The following CDH13 variants were observed in gnomAD, a reference collection of about 807,000 sequenced individuals.
The protein encoded by CDH13 is cadherin-13.
In CDH13, 24 loss-of-function variants were observed where a neutral mutation model predicts 63.8. The observed-to-expected ratio is 0.38, with a 90% CI of 0.27 to 0.53. CDH13 has a LOEUF of 0.53. Ranked by LOEUF, CDH13 falls within the 20% of genes least tolerant of loss-of-function variation. CDH13 has a pLI of 0.85. For synonymous variants in CDH13, 503 were observed against 355.3 expected, an observed-to-expected ratio of 1.42 and a Z score of -4.67; for missense variants, 1,049 against 903.1, an observed-to-expected ratio of 1.16 and a Z score of -2.07.
intron 3 of CDH13, among the ~76,000 whole-genome samples, chr16:83,058,913 ATCT>A (rs1018259983): frequency 3.3e-5 from 5 of 150,816 alleles, no homozygotes; most frequent in Admixed American, 2.6e-4. Flanking sequence ...GCTTTTTTTA[ATCT>A]TCTTAACTGG....
intron 3 of CDH13, among the ~76,000 whole-genome samples, chr16:83,108,998 T>G (rs962195650): frequency 6.6e-6 from 1 of 152,078 alleles, no homozygotes; most frequent in South Asian, 2.1e-4. Flanking sequence ...TGCCCACATT[T>G]CCTGGGATGA....
At chr16:82,744,366 T>C (rs988584049) in intron 1 of CDH13, among the ~76,000 whole-genome samples, 4 of 152,178 alleles carry the variant, frequency 2.6e-5, no homozygotes, top group Non-Finnish European at 5.9e-5. Context: ...CCTTCAGAGA[T>C]AATGAACCAC....
chr16:83,187,795 G>A (rs2038572388), intron 4 of CDH13, among the ~76,000 whole-genome samples: 1 of 152,058 alleles, frequency 6.6e-6, no homozygotes, highest in Admixed American at 6.6e-5. Context: ...AAAATACATG[G>A]TGTGTCAGTT....
rs1014695072 is a variant in CDH13 at position 83,377,320 on chromosome 16, A to T, written c.781+32314A>T. The stretch of plus-strand genomic sequence containing the variant: ...TATAAGACAAAAGGTTAAACCACAC[A>T]TCTGGCCCACACCCAGCCCCCAGTT... On this transcript the variant is annotated intron_variant, in intron 6 of 13. Coordinates refer to ENST00000567109, the MANE Select transcript of CDH13 (RefSeq NM_001257.5). Among the ~76,000 whole-genome samples the T allele has an allele frequency of 3.9e-5, 6 of 152,328 alleles. No individual in the cohort carries two copies. In the East Asian group the frequency reaches 7.7e-4, roughly 20 times the overall value.
rs540259553 is a variant in CDH13 at position 83,047,427 on chromosome 16, T to C, written c.366+15209T>C. On this transcript the variant is annotated intron_variant, in intron 3 of 13. Coordinates refer to ENST00000567109, the MANE Select transcript of CDH13 (RefSeq NM_001257.5). The surrounding 1 kb of genome is among the most constrained non-coding windows in gnomAD (Gnocchi z 4.9). ...TGGCCCTTGTTAACAAAGCCTAGTC[T>C]GTAAGAGCGTGACCACCAGTCTTAT... 1.1e-4 allele frequency among the ~76,000 whole-genome samples: 17 copies of C among 152,190 alleles called. No individual in the cohort carries two copies. The highest frequency in any genetic ancestry group is 1.6e-4 in the Non-Finnish European group (11 of 68,048).
intron 5 of CDH13, among the ~76,000 whole-genome samples, chr16:83,232,220 T>TTTA (rs1326898184): frequency 1.8e-5 from 2 of 114,034 alleles, no homozygotes; most frequent in Non-Finnish European, 3.7e-5. Flanking sequence ...TTTTTTTTTT[T>TTTA]TTTTTTTAAA....
chr16:83,262,719 A>T (rs922557543), intron 5 of CDH13, among the ~76,000 whole-genome samples: 1 of 152,212 alleles, frequency 6.6e-6, no homozygotes, highest in African/African-American at 2.4e-5. Flanking sequence ...AAAATTCATG[A>T]GATGGGTTAT....
At chr16:83,390,615 G>C (rs1231064817) in intron 6 of CDH13, among the ~76,000 whole-genome samples, 1 of 152,006 alleles carries the variant, frequency 6.6e-6, no homozygotes, top group Non-Finnish European at 1.5e-5. Flanking sequence ...CTCCAAGCCA[G>C]GAGTCCTGCT....
At chr16:83,602,022 G>A (rs1333759917) in intron 7 of CDH13, among the ~76,000 whole-genome samples, 18 of 148,168 alleles carry the variant, frequency 1.2e-4, no homozygotes, top group African/African-American at 4.5e-4. Flanking sequence ...GAACCCGGGA[G>A]GCGGAGGTTG....
At chr16:83,511,619 T>C (rs1308529185) in intron 7 of CDH13, among the ~76,000 whole-genome samples, 1 of 152,260 alleles carries the variant, frequency 6.6e-6, no homozygotes, top group Non-Finnish European at 1.5e-5. Flanking sequence ...ATATTTATTA[T>C]GCTTGTCTCA....
intron 1 of CDH13, among the ~76,000 whole-genome samples, chr16:82,815,714 C>T (rs979517163): frequency 1.3e-5 from 2 of 152,144 alleles, no homozygotes; most frequent in African/African-American, 4.8e-5. Context: ...AAGAACAGTG[C>T]CCCTAATCGT....
chr16:82,744,732 T>A (rs2034083695), intron 1 of CDH13, among the ~76,000 whole-genome samples: 1 of 152,212 alleles, frequency 6.6e-6, no homozygotes, highest in Admixed American at 6.5e-5. Flanking sequence ...TCTATACACA[T>A]GATCGCATTT....
rs148627955 is a variant in CDH13 at position 83,196,395 on chromosome 16, C to G, written c.484-20950C>G. On this transcript the variant is annotated intron_variant, in intron 4 of 13. Coordinates refer to ENST00000567109, the MANE Select transcript of CDH13 (RefSeq NM_001257.5). ...GGCTAGGCAGAGTTCTTATACTTGT[C>G]ACAAACAGGTGTGAACCCTAAAATG... Among the ~76,000 whole-genome samples the G allele has an allele frequency of 3.0e-3, 461 of 152,210 alleles. 5 individuals carry two copies. Among genetic ancestry groups the G allele is most frequent in the African/African-American group, 0.01 (431 of 41,536 alleles).
At chr16:83,381,636 C>A (rs773560280) in intron 6 of CDH13, among the ~76,000 whole-genome samples, 1 of 151,924 alleles carries the variant, frequency 6.6e-6, no homozygotes, top group Non-Finnish European at 1.5e-5. Context: ...CCACTCTCAC[C>A]TAAAAAAGCT....
At chr16:83,520,387 T>C (rs982812334) in intron 7 of CDH13, among the ~76,000 whole-genome samples, 3 of 152,156 alleles carry the variant, frequency 2.0e-5, no homozygotes, top group East Asian at 3.9e-4. Context: ...GGAGAGGACA[T>C]AGGAAAGCCT....
At chr16:82,661,394 T>C (rs1237921130) in intron 1 of CDH13, among the ~76,000 whole-genome samples, 2 of 152,208 alleles carry the variant, frequency 1.3e-5, no homozygotes, top group Non-Finnish European at 2.9e-5. Flanking sequence ...GACTTAAATA[T>C]TGTTTGTCCT....
rs780540162 is a variant in CDH13, at chr16:83,500,301, TC to T, written c.960+13648del. Among the ~76,000 whole-genome samples the T allele has an allele frequency of 0.023, 47 of 2,056 alleles. 4 individuals are homozygous for T. The East Asian group carries it at 0.6, about 26-fold the overall frequency. The allele number at this position is 2,056 out of a possible 152,430, so 1.3% of individuals were successfully genotyped here. A position where few individuals can be genotyped will look rare whatever the true frequency, so the allele number is the denominator to read the frequency against. On this transcript the variant is annotated intron_variant, in intron 7 of 13. Coordinates refer to ENST00000567109, the MANE Select transcript of CDH13 (RefSeq NM_001257.5). Reference sequence around the variant, plus strand: ...CTTCTTCTTCTTCTTCTTCTCCTTCTCCTTCTCCTTCTCCTTCTCCTCCTCC... The same window carrying T: ...CTTCTTCTTCTTCTTCTTCTCCTTCTCTTCTCCTTCTCCTTCTCCTCCTCC...
At chr16:83,000,246 T>A (rs1912742872) in intron 2 of CDH13, among the ~76,000 whole-genome samples, 1 of 123,932 alleles carries the variant, frequency 8.1e-6, no homozygotes, top group Non-Finnish European at 1.7e-5. Flanking sequence ...TTTTTTTTTT[T>A]TTTTTTTTTT....
At chr16:82,877,226 G>C (rs754310760) in intron 2 of CDH13, among the ~76,000 whole-genome samples, 5 of 152,158 alleles carry the variant, frequency 3.3e-5, no homozygotes, top group Non-Finnish European at 7.4e-5. Context: ...GTTAGACATA[G>C]CAAGATGAGT....
Sources: gnomAD v4.1 joint callset for allele counts (sites outside exome capture counted in the v4.1 genomes callset) on GRCh38, gnomAD v4.1.1 for gene constraint, Gnocchi (gnomAD v3.1) non-coding constraint, MANE v1.5 for transcripts, NCBI Gene and HGNC (gene_info 2026-07-23, HGNC 2026-07-21) for gene names.